The following CACNA2D1 variants were observed in gnomAD, a reference collection of about 807,000 sequenced individuals.
The protein encoded by CACNA2D1 is calcium voltage-gated channel auxiliary subunit alpha2delta 1.
CACNA2D1 carries 53 observed loss-of-function variants against 171.5 expected under a neutral mutation model. The ratio of observed to expected loss-of-function variants is 0.31; its 90% CI spans 0.25 to 0.39. The LOEUF (loss-of-function observed/expected upper bound fraction) is 0.39, where lower values mean the gene tolerates loss of function less well. Ranked by LOEUF, CACNA2D1 falls within the 10% of genes least tolerant of loss-of-function variation. The pLI is 1.00. For synonymous variants in CACNA2D1, 442 were observed against 443.1 expected, an observed-to-expected ratio of 1.00 and a Z score of 0.03; for missense variants, 903 against 1,299.8, an observed-to-expected ratio of 0.69 and a Z score of 4.69.
At chr7:82,190,222 A>G (rs956891541) in intron 3 of CACNA2D1, among the ~76,000 whole-genome samples, 9 of 151,846 alleles carry the variant, frequency 5.9e-5, no homozygotes, top group African/African-American at 2.2e-4. Flanking sequence ...AATCATCTCA[A>G]CAGCAAGACT....
chr7:82,119,833 ACT>A (rs1789504119), intron 5 of CACNA2D1, among the ~76,000 whole-genome samples: 1 of 152,072 alleles, frequency 6.6e-6, no homozygotes, highest in Admixed American at 6.6e-5. Flanking sequence ...GCTCACTAAA[ACT>A]CTCTATGGAA....
chr7:82,429,840 T>C (rs1332754953), intron 1 of CACNA2D1, among the ~76,000 whole-genome samples: 5 of 152,126 alleles, frequency 3.3e-5, no homozygotes, highest in Non-Finnish European at 7.4e-5. Flanking sequence ...TTAATGCCAA[T>C]TTCTACACTT....
chr7:82,206,661 G>A (rs1271744758), intron 3 of CACNA2D1, among the ~76,000 whole-genome samples: 1 of 152,044 alleles, frequency 6.6e-6, no homozygotes, highest in Admixed American at 6.6e-5. Context: ...CAAAATGGCA[G>A]GAGGTAACCA....
intron 3 of CACNA2D1, among the ~76,000 whole-genome samples, chr7:82,191,443 CA>C (rs1798284004): frequency 6.6e-6 from 1 of 151,718 alleles, no homozygotes; most frequent in South Asian, 2.1e-4. Context: ...TGCTTTTCAG[CA>C]AAAAGGTGTT....
At chr7:82,114,760 G>GAAAAAAAA (rs34240770) in intron 6 of CACNA2D1, among the ~76,000 whole-genome samples, 19 of 103,076 alleles carry the variant, frequency 1.8e-4, no homozygotes, top group Non-Finnish European at 2.5e-4. Context: ...CGTCCCAGAA[G>GAAAAAAAA]AAAAAAAAAA....
intron 3 of CACNA2D1, among the ~76,000 whole-genome samples, chr7:82,183,608 T>C (rs989338881): frequency 2.6e-5 from 4 of 152,144 alleles, no homozygotes; most frequent in Admixed American, 6.6e-5. Context: ...TTTCACAGAA[T>C]TTTTTAGGAA....
At position 81,948,318 on chromosome 7, in the gene CACNA2D1, T is replaced by A. The variant is rs1477590795; in HGVS notation, c.*2074A>T. ...GAAGTTTTTTTCCCCACATATATTT[T>A]AAATCACTTTGGTGTTTTCTAAAAT... is the stretch of plus-strand genomic sequence containing the variant. On this transcript the variant is annotated 3_prime_UTR_variant, in exon 39 of 39. Coordinates refer to ENST00000356860, the MANE Select transcript of CACNA2D1 (RefSeq NM_000722.4). 1 of 151,874 alleles carries A rather than the reference T, an allele frequency of 6.6e-6. No homozygotes were observed. The highest frequency in any genetic ancestry group is 1.9e-4 in the East Asian group (1 of 5,180). 9.4% of individuals were successfully genotyped at this position (151,874 alleles called of 1,614,324 possible).
chr7:82,427,367 T>G (rs564501698), intron 1 of CACNA2D1, among the ~76,000 whole-genome samples: 1 of 152,324 alleles, frequency 6.6e-6, no homozygotes, highest in African/African-American at 2.4e-5. Context: ...AATAGATACA[T>G]GAATGACAAT....
intron 3 of CACNA2D1, among the ~76,000 whole-genome samples, chr7:82,238,317 T>C (rs1482168410): frequency 1.3e-5 from 2 of 151,944 alleles, no homozygotes; most frequent in South Asian, 2.1e-4. Context: ...ATCTACAACA[T>C]AGGGGAGAGG....
chr7:82,286,767 CT>C (rs1311337190), intron 3 of CACNA2D1, among the ~76,000 whole-genome samples: 1 of 151,946 alleles, frequency 6.6e-6, no homozygotes, highest in African/African-American at 2.4e-5. Flanking sequence ...GTTTTATTTT[CT>C]TTTTTTTAAT....
intron 12 of CACNA2D1, among the ~76,000 whole-genome samples, chr7:82,015,647 T>C (rs1318451944): frequency 6.6e-6 from 1 of 152,202 alleles, no homozygotes; most frequent in Admixed American, 6.5e-5. Context: ...AAAATAGACA[T>C]GCAGAAAATC....
At chr7:81,989,237 G>T (rs1423711403) in intron 21 of CACNA2D1, among the ~76,000 whole-genome samples, 1 of 152,140 alleles carries the variant, frequency 6.6e-6, no homozygotes, top group Non-Finnish European at 1.5e-5. Flanking sequence ...CAGAGCTGAC[G>T]GTCAGTAAGG....
chr7:82,397,669 T>C (rs1825885877), intron 1 of CACNA2D1, among the ~76,000 whole-genome samples: 4 of 152,244 alleles, frequency 2.6e-5, no homozygotes, highest in Admixed American at 6.5e-5. Flanking sequence ...TAGCAACTGA[T>C]TCCTTCTGAC....
At chr7:82,202,958 T>C (rs886504993) in intron 3 of CACNA2D1, among the ~76,000 whole-genome samples, 1 of 152,074 alleles carries the variant, frequency 6.6e-6, no homozygotes, top group African/African-American at 2.4e-5. Context: ...AATGAAGTAC[T>C]CTTAACTTTG....
chr7:82,154,638 C>T (rs755548608), intron 4 of CACNA2D1, among the ~76,000 whole-genome samples: 5 of 152,084 alleles, frequency 3.3e-5, no homozygotes, highest in East Asian at 1.9e-4. Flanking sequence ...TACATGCTCA[C>T]GTAAATATTG....
intron 10 of CACNA2D1, among the ~76,000 whole-genome samples, chr7:82,040,221 C>T (rs1434833879): frequency 6.6e-6 from 1 of 152,012 alleles, no homozygotes; most frequent in African/African-American, 2.4e-5. Context: ...CAGGAGGATG[C>T]ATAACAGAGC....
chr7:82,021,413 G>A lies in CACNA2D1; in HGVS notation c.1144-6934C>T, dbSNP rs891171801. On this transcript the variant is annotated intron_variant, in intron 12 of 38. Transcript: ENST00000356860. ...GACATATATAAGAACATCTATAACA[G>A]TTTTATTCCACATTCCAAATTTAGG... 2.6e-5 allele frequency among the ~76,000 whole-genome samples: 4 copies of A among 152,122 alleles called. No homozygotes were observed. The East Asian group carries it at 7.7e-4, about 29-fold the overall frequency.
At chr7:82,346,921 G>T (rs1819325987) in intron 2 of CACNA2D1, among the ~76,000 whole-genome samples, 1 of 152,172 alleles carries the variant, frequency 6.6e-6, no homozygotes, top group Admixed American at 6.6e-5. Flanking sequence ...TTTCAGAGTT[G>T]CATCCAATTT....
chr7:82,356,129 T>C (rs1820394293), intron 1 of CACNA2D1, among the ~76,000 whole-genome samples: 1 of 149,366 alleles, frequency 6.7e-6, no homozygotes, highest in African/African-American at 2.6e-5. Context: ...TTTTATACCA[T>C]CTCTATGCTA....
Sources: gnomAD v4.1 joint callset for allele counts (sites outside exome capture counted in the v4.1 genomes callset) on GRCh38, gnomAD v4.1.1 for gene constraint, MANE v1.5 for transcripts, NCBI Gene and HGNC (gene_info 2026-07-23, HGNC 2026-07-21) for gene names.